Variants in ADD3 observed in about 807,000 individuals in gnomAD.
ADD3 encodes adducin 3.
ADD3 carries 25 observed loss-of-function variants against 80.2 expected under a neutral mutation model. The ratio of observed to expected loss-of-function variants is 0.31; its 90% CI spans 0.23 to 0.44. The LOEUF is 0.44. Among genes scored for constraint, ADD3 ranks in the 20% least tolerant of loss-of-function variants. ADD3 has a pLI of 1.00. For synonymous variants in ADD3, 284 were observed against 289.6 expected (o/e 0.98, Z 0.20); for missense variants, 829 against 847.5 (o/e 0.98, Z 0.27).
At chr10:110,095,675 A>C (rs1848064824) in intron 1 of ADD3, among the ~76,000 whole-genome samples, 1 of 152,224 alleles carries the variant, frequency 6.6e-6, no homozygotes, top group Non-Finnish European at 1.5e-5. Context: ...AAAATATGCT[A>C]TAATTTTATA....
intron 1 of ADD3, among the ~76,000 whole-genome samples, chr10:109,999,377 G>A (rs1462812065): frequency 6.6e-6 from 1 of 152,096 alleles, no homozygotes; most frequent in South Asian, 2.1e-4. Flanking sequence ...TCCTGCCACC[G>A]CCATCACCTA....
intron 1 of ADD3, among the ~76,000 whole-genome samples, chr10:110,095,093 G>A (rs570441195): frequency 6.6e-6 from 1 of 152,318 alleles, no homozygotes; most frequent in East Asian, 1.9e-4. Flanking sequence ...TTGTGATATA[G>A]TAAAGTAACT....
intron 1 of ADD3, among the ~76,000 whole-genome samples, chr10:110,073,909 T>G (rs950959721): frequency 1.1e-4 from 17 of 151,788 alleles, no homozygotes; most frequent in African/African-American, 4.1e-4. Context: ...TTAAACAGTT[T>G]AGACAGACCT....
At chr10:110,069,719 TGTG>T (rs1844439765) in intron 1 of ADD3, among the ~76,000 whole-genome samples, 1 of 152,330 alleles carries the variant, frequency 6.6e-6, no homozygotes, top group African/African-American at 2.4e-5. Context: ...TTCATGGTGA[TGTG>T]GTGTCAGATT....
chr10:110,096,177 T>C (rs1848125657), intron 1 of ADD3, among the ~76,000 whole-genome samples: 3 of 152,210 alleles, frequency 2.0e-5, no homozygotes, highest in Admixed American at 2.0e-4. Context: ...AAAAAAACAA[T>C]ACTCAGTTGG....
chr10:110,054,880 C>T (rs997364820), intron 1 of ADD3, among the ~76,000 whole-genome samples: 1 of 152,112 alleles, frequency 6.6e-6, no homozygotes, highest in African/African-American at 2.4e-5. Flanking sequence ...TCCCAACGTG[C>T]TGGGCTTACA....
Position 110,121,883 on chromosome 10 carries a change from G to C in ADD3, c.961-227G>C, listed in dbSNP as rs190420807. The stretch of plus-strand genomic sequence containing the variant: ...ATGTTAAGAGGTATGGCTCTAATGT[G>C]TTTTCCATCAGGGAGGATCAGAGTC... On this transcript the variant is annotated intron_variant, in intron 8 of 14. Transcript: ENST00000356080. The C allele has an allele frequency of 8.7e-4, 332 of 380,362 alleles. 1 individual carries two copies. Among genetic ancestry groups the C allele is most frequent in the African/African-American group, 6.5e-3 (314 of 48,462 alleles). The allele number at this position is 380,362 out of a possible 1,614,324, so 23.6% of individuals were successfully genotyped here.
chr10:110,094,288 T>G (rs1162227999), intron 1 of ADD3, among the ~76,000 whole-genome samples: 1 of 152,210 alleles, frequency 6.6e-6, no homozygotes, highest in Non-Finnish European at 1.5e-5. Flanking sequence ...GATGACATGG[T>G]AATGCTAATA....
chr10:110,026,120 A>G (rs1382199757), intron 1 of ADD3, among the ~76,000 whole-genome samples: 3 of 152,174 alleles, frequency 2.0e-5, no homozygotes, highest in African/African-American at 4.8e-5. Context: ...GGAACATTAT[A>G]TAGAAAATTC....
upstream of ADD3, among the ~76,000 whole-genome samples, chr10:110,004,305 C>G (rs1464069324): frequency 6.6e-6 from 1 of 151,316 alleles, no homozygotes; most frequent in Non-Finnish European, 1.5e-5. Flanking sequence ...GAGGCCGAGA[C>G]AGGCGGATCA....
chr10:110,064,886 T>G (rs560857839), intron 1 of ADD3, among the ~76,000 whole-genome samples: 1 of 152,244 alleles, frequency 6.6e-6, no homozygotes, highest in African/African-American at 2.4e-5. Context: ...GGCAAAACCT[T>G]ATCTCTACAA....
intron 1 of ADD3, among the ~76,000 whole-genome samples, chr10:110,097,126 A>G (rs1163620873): frequency 2.0e-5 from 3 of 152,258 alleles, no homozygotes; most frequent in Admixed American, 6.5e-5. Context: ...TAACAGTTAT[A>G]CAATGTTACT....
intron 1 of ADD3, among the ~76,000 whole-genome samples, chr10:110,082,991 T>G (rs908447264): frequency 6.6e-6 from 1 of 152,158 alleles, no homozygotes; most frequent in Non-Finnish European, 1.5e-5. Flanking sequence ...AAGTAGAGAA[T>G]GGGGGTATTA....
At chr10:110,021,764 A>G (rs1853706802) in intron 1 of ADD3, among the ~76,000 whole-genome samples, 2 of 152,180 alleles carry the variant, frequency 1.3e-5, no homozygotes, top group African/African-American at 4.8e-5. Flanking sequence ...AAAAGGAAAG[A>G]TGATGAAAAA....
chr10:110,062,350 T>C (rs988374163), intron 1 of ADD3, among the ~76,000 whole-genome samples: 15 of 149,458 alleles, frequency 1.0e-4, no homozygotes, highest in Admixed American at 3.3e-4. Context: ...GCCAAGATCA[T>C]GCCATTGCAT....
chr10:110,087,798 A>G (rs1255550550), intron 1 of ADD3, among the ~76,000 whole-genome samples: 1 of 152,232 alleles, frequency 6.6e-6, no homozygotes, highest in African/African-American at 2.4e-5. Flanking sequence ...TATATGTGTT[A>G]GTTTCCTAGA....
At chr10:110,074,852 A>G (rs2133692239) in intron 1 of ADD3, among the ~76,000 whole-genome samples, 1 of 152,308 alleles carries the variant, frequency 6.6e-6, no homozygotes, top group South Asian at 2.1e-4. Context: ...TCTGGCACTC[A>G]GTAGAGTATT....
chr10:110,014,309 T>A (rs1052862477), intron 1 of ADD3, among the ~76,000 whole-genome samples: 1 of 152,178 alleles, frequency 6.6e-6, no homozygotes, highest in African/African-American at 2.4e-5. Flanking sequence ...AAGGAGGTGG[T>A]TGGAAAATGG....
At chr10:110,022,563 C>G (rs1335022117) in intron 1 of ADD3, among the ~76,000 whole-genome samples, 1 of 152,024 alleles carries the variant, frequency 6.6e-6, no homozygotes, top group Non-Finnish European at 1.5e-5. Flanking sequence ...TTCTAGAAAA[C>G]AGTGGTCCAT....
Sources: allele counts gnomAD v4.1 joint callset (sites outside exome capture counted in the v4.1 genomes callset), GRCh38; gene constraint gnomAD v4.1.1; transcripts MANE v1.5; gene names NCBI Gene and HGNC (gene_info 2026-07-23, HGNC 2026-07-21).